CHRM5: variants seen among roughly 807,000 people sequenced by gnomAD.
CHRM5 encodes muscarinic acetylcholine receptor M5.
In CHRM5, 18 loss-of-function variants were observed where a neutral mutation model predicts 39.0. The ratio of observed to expected loss-of-function variants is 0.46; its 90% CI spans 0.32 to 0.68. The LOEUF (loss-of-function observed/expected upper bound fraction) is 0.68, where lower values mean the gene tolerates loss of function less well. Among genes scored for constraint, CHRM5 ranks in the 30% least tolerant of loss-of-function variants. CHRM5 has a pLI of 0.04. For synonymous variants in CHRM5, 241 were observed against 246.3 expected (o/e 0.98, Z 0.20); for missense variants, 515 against 651.1 (o/e 0.79, Z 2.28).
At chr15:33,997,743 A>G (rs915595727) in intron 1 of CHRM5, among the ~76,000 whole-genome samples, 1 of 152,008 alleles carries the variant, frequency 6.6e-6, no homozygotes, top group African/African-American at 2.4e-5. Context: ...AATCATTCTA[A>G]TCATCTCCTT....
chr15:34,029,604 T>G (rs1898674162), intron 1 of CHRM5, among the ~76,000 whole-genome samples: 1 of 151,144 alleles, frequency 6.6e-6, no homozygotes, highest in Non-Finnish European at 1.5e-5. Flanking sequence ...CTACTGACTT[T>G]AAAAAGAAAA....
chr15:34,052,451 CTG>C (rs1285083478), intron 2 of CHRM5, among the ~76,000 whole-genome samples: 8 of 152,306 alleles, frequency 5.3e-5, no homozygotes, highest in Admixed American at 3.3e-4. Flanking sequence ...CAAGGGTACT[CTG>C]TCTTACCACT....
At chr15:33,987,721 G>A (rs1896539270) in intron 1 of CHRM5, among the ~76,000 whole-genome samples, 1 of 152,084 alleles carries the variant, frequency 6.6e-6, no homozygotes, top group Non-Finnish European at 1.5e-5. Flanking sequence ...TGTTTCAACT[G>A]CAACAGTGTG....
chr15:34,036,073 A>G (rs774768757), intron 1 of CHRM5, among the ~76,000 whole-genome samples: 2 of 151,832 alleles, frequency 1.3e-5, no homozygotes, highest in South Asian at 2.1e-4. Flanking sequence ...TGGGATTACA[A>G]GCGCGAGCCA....
intron 1 of CHRM5, among the ~76,000 whole-genome samples, chr15:33,983,608 C>T (rs1567448080): frequency 6.6e-6 from 1 of 152,094 alleles, no homozygotes; most frequent in Non-Finnish European, 1.5e-5. Context: ...AGCCTCAAAA[C>T]ATTATTTACT....
chr15:34,017,484 G>T (rs10851923), intron 1 of CHRM5, among the ~76,000 whole-genome samples: 39,202 of 106,750 alleles, frequency 0.37, 6,770 homozygotes, highest in East Asian at 0.65. Flanking sequence ...TTTTTTTTTT[G>T]TTTTTTTTTT....
At chr15:34,008,978 A>ACC (rs1269403886) in intron 1 of CHRM5, among the ~76,000 whole-genome samples, 10 of 135,548 alleles carry the variant, frequency 7.4e-5, no homozygotes, top group African/African-American at 2.5e-4. Flanking sequence ...ACACACACAG[A>ACC]CCATCGAGAA....
intron 1 of CHRM5, among the ~76,000 whole-genome samples, chr15:33,994,026 G>A (rs949004056): frequency 6.6e-6 from 1 of 152,108 alleles, no homozygotes; most frequent in Non-Finnish European, 1.5e-5. Flanking sequence ...GTGAACATTT[G>A]GGCACACACG....
intron 1 of CHRM5, among the ~76,000 whole-genome samples, chr15:33,989,650 A>G (rs1378385312): frequency 1.3e-5 from 2 of 152,048 alleles, no homozygotes; most frequent in Admixed American, 6.5e-5. Context: ...CATGTGTTTT[A>G]TTTTAGAAGA....
intron 1 of CHRM5, among the ~76,000 whole-genome samples, chr15:33,986,949 G>A (rs1257693168): frequency 6.6e-6 from 1 of 152,146 alleles, no homozygotes; most frequent in Admixed American, 6.5e-5. Flanking sequence ...GAGCCACCGC[G>A]CCCAGCCCAG....
At chr15:33,978,345 T>C (rs1413244154) in intron 1 of CHRM5, among the ~76,000 whole-genome samples, 8 of 152,092 alleles carry the variant, frequency 5.3e-5, no homozygotes, top group Non-Finnish European at 1.2e-4. Context: ...CATTTAATAA[T>C]TGGAAATAAA....
Position 33,972,127 on chromosome 15 carries a change from C to G in CHRM5, c.-408+2977C>G, listed in dbSNP as rs541874247. ...CAACTATTAAAGATAAAAGTACCAT[C>G]TCACAGTTTTCTCATTAATAATTCA... On this transcript the variant is annotated intron_variant, in intron 1 of 2. Transcript: ENST00000383263. 2.0e-5 allele frequency: 3 copies of G among 152,238 alleles called. No individual in the cohort carries two copies. In the East Asian group the frequency reaches 5.8e-4, roughly 29 times the overall value. The allele number at this position is 152,238 out of a possible 1,614,324, so 9.4% of individuals were successfully genotyped here. A position where few individuals can be genotyped will look rare whatever the true frequency, so the allele number is the denominator to read the frequency against.
intron 1 of CHRM5, among the ~76,000 whole-genome samples, chr15:33,997,416 G>A (rs986754474): frequency 2.0e-5 from 3 of 152,174 alleles, no homozygotes; most frequent in African/African-American, 7.2e-5. Context: ...TTCAACCTCA[G>A]TAATAACTAA....
Position 34,019,380 on chromosome 15 carries a change from TA to T in CHRM5, c.-407-27155del, listed in dbSNP as rs1401264643. Among the ~76,000 whole-genome samples the T allele has an allele frequency of 2.0e-5, 3 of 152,200 alleles. No individual in the cohort carries two copies. In the East Asian group the frequency reaches 5.8e-4, roughly 29 times the overall value. On this transcript the variant is annotated intron_variant, in intron 1 of 2. Coordinates refer to ENST00000383263, the MANE Select transcript of CHRM5 (RefSeq NM_012125.4). ...AGTGTTATTACAAGAGTCAAAAAGGTAAAAATATTTAAAAGTTTATAAAGTA... is the reference window on the plus strand; with the variant it reads ...AGTGTTATTACAAGAGTCAAAAAGGTAAAATATTTAAAAGTTTATAAAGTA...
At chr15:34,040,499 A>G (rs1003846685) in intron 1 of CHRM5, among the ~76,000 whole-genome samples, 3 of 152,210 alleles carry the variant, frequency 2.0e-5, no homozygotes, top group African/African-American at 7.2e-5. Flanking sequence ...TAGAGCACTT[A>G]TATGCACCAA....
intron 1 of CHRM5, among the ~76,000 whole-genome samples, chr15:33,985,348 T>C (rs1296709119): frequency 6.6e-6 from 1 of 151,470 alleles, no homozygotes; most frequent in African/African-American, 2.4e-5. Context: ...GTGGGCTTTA[T>C]TACAGGGAAG....
chr15:34,032,308 C>T (rs1168862434), intron 1 of CHRM5, among the ~76,000 whole-genome samples: 1 of 152,034 alleles, frequency 6.6e-6, no homozygotes, highest in Non-Finnish European at 1.5e-5. Flanking sequence ...AGGTCACTTG[C>T]CCAGTGCTGT....
chr15:33,994,574 C>T (rs1319430119), intron 1 of CHRM5, among the ~76,000 whole-genome samples: 1 of 152,172 alleles, frequency 6.6e-6, no homozygotes, highest in Non-Finnish European at 1.5e-5. Context: ...AGGTTGGGGA[C>T]CTCTGCTCTA....
At position 34,063,069 on chromosome 15, in the gene CHRM5, G is replaced by T. The variant is rs1251321713; in HGVS notation, c.352G>T (p.Val118Phe). The change falls in exon 3 of 3, where the codon GTC becomes TTC. Residue 118 changes from valine (V) to phenylalanine (F), a missense_variant. Coordinates refer to ENST00000383263, the MANE Select transcript of CHRM5 (RefSeq NM_012125.4). This position sits in a 1 kb window ranked among gnomAD's most constrained non-coding sequence, Gnocchi z 4.1. ...ALDYVASNASVMNLLVISFDR... is the reference protein window; with the variant it reads ...ALDYVASNASFMNLLVISFDR... Reference sequence around the variant, plus strand: ...GGACTACGTGGCCAGCAACGCTTCTGTCATGAACCTTCTGGTGATCAGTTT... The same window carrying T: ...GGACTACGTGGCCAGCAACGCTTCTTTCATGAACCTTCTGGTGATCAGTTT... The T allele has an allele frequency of 6.8e-6, 11 of 1,614,160 alleles. No homozygotes were observed. Among genetic ancestry groups the T allele is most frequent in the Non-Finnish European group, 8.5e-6 (10 of 1,180,034 alleles).
Sources: gnomAD v4.1 joint callset for allele counts (sites outside exome capture counted in the v4.1 genomes callset) on GRCh38, gnomAD v4.1.1 for gene constraint, Gnocchi (gnomAD v3.1) non-coding constraint, MANE v1.5 for transcripts, NCBI Gene and HGNC (gene_info 2026-07-23, HGNC 2026-07-21) for gene names.